RGS20: variants seen among roughly 807,000 people sequenced by gnomAD.
RGS20 encodes the protein regulator of G protein signaling 20, also known as gz-selective GTPase-activating protein.
A neutral mutation model predicts 33.6 loss-of-function variants in RGS20; 30 were observed. The ratio of observed to expected loss-of-function variants is 0.89; its 90% CI spans 0.67 to 1.21. RGS20 has a LOEUF of 1.21. RGS20 is among the 50% of genes most tolerant of loss of function. RGS20 has a pLI of 0.00. For synonymous variants in RGS20, 208 were observed against 197.9 expected (o/e 1.05, Z -0.43); for missense variants, 472 against 502.4 (o/e 0.94, Z 0.58).
chr8:53,857,345 T>C (rs1585857566), intron 1 of RGS20, among the ~76,000 whole-genome samples: 2 of 152,048 alleles, frequency 1.3e-5, no homozygotes, highest in South Asian at 2.1e-4. Context: ...GGTCCTTGGG[T>C]TCTCAGTGAG....
intron 2 of RGS20, among the ~76,000 whole-genome samples, chr8:53,931,597 A>ACAAACAG (rs1479747129): frequency 1.4e-4 from 21 of 150,934 alleles, no homozygotes; most frequent in Non-Finnish European, 2.7e-4. Flanking sequence ...ACAACAAACA[A>ACAAACAG]CCTGTGGCTG....
intron 1 of RGS20, among the ~76,000 whole-genome samples, chr8:53,866,744 A>T (rs1330730042): frequency 6.6e-6 from 1 of 152,124 alleles, no homozygotes; most frequent in Non-Finnish European, 1.5e-5. Context: ...GGGTGGGCAG[A>T]GGCGCCGTGT....
chr8:53,863,214 G>A (rs936090121), intron 1 of RGS20, among the ~76,000 whole-genome samples: 13 of 151,998 alleles, frequency 8.6e-5, no homozygotes, highest in Non-Finnish European at 1.8e-4. Context: ...CTCAAACTCC[G>A]GACCTCAGGT....
intron 1 of RGS20, among the ~76,000 whole-genome samples, chr8:53,861,257 A>G (rs1470552211): frequency 6.6e-6 from 1 of 152,194 alleles, no homozygotes; most frequent in Non-Finnish European, 1.5e-5. Context: ...TCTGTGGATA[A>G]GCCCCACAAA....
intron 2 of RGS20, among the ~76,000 whole-genome samples, chr8:53,900,676 G>T (rs1026440236): frequency 7.2e-5 from 11 of 152,144 alleles, no homozygotes; most frequent in Admixed American, 1.3e-4. Flanking sequence ...ATACACATGA[G>T]GACGTGGAGG....
At position 53,939,669 on chromosome 8, in the gene RGS20, A is replaced by T; in HGVS notation, c.604A>T (p.Ser202Cys). 2.5e-6 allele frequency: 4 copies of T among 1,581,544 alleles called. No homozygotes were observed. Among genetic ancestry groups the T allele is most frequent in the Non-Finnish European group, 3.4e-6 (4 of 1,164,176 alleles). The change falls in exon 3 of 6, where the codon AGT becomes TGT. Residue 202 changes from serine to cysteine, a missense_variant. Coordinates refer to ENST00000297313, the MANE Select transcript of RGS20 (RefSeq NM_170587.4). ...CGCCCCAGGCCAGCCCGGAGCGGGG[A>T]GTCGCGGGTCCAACGCATGCTGCTT...
intron 2 of RGS20, among the ~76,000 whole-genome samples, chr8:53,929,560 C>G (rs191795582): frequency 6.6e-6 from 1 of 152,046 alleles, no homozygotes; most frequent in Non-Finnish European, 1.5e-5. Context: ...TCCAGCTACT[C>G]GGGAGGCTGA....
At chr8:53,939,047 G>C (rs1467691650) in intron 2 of RGS20, among the ~76,000 whole-genome samples, 3 of 152,196 alleles carry the variant, frequency 2.0e-5, no homozygotes, top group African/African-American at 7.2e-5. Context: ...GACGCAGCTA[G>C]GAAAGATGTG....
chr8:53,924,850 C>A (rs1172555130), intron 2 of RGS20, among the ~76,000 whole-genome samples: 2 of 152,146 alleles, frequency 1.3e-5, no homozygotes, highest in Non-Finnish European at 2.9e-5. Context: ...CATTCCAGAC[C>A]ATAGAGATGT....
chr8:53,934,665 A>ACTT, intron 2 of RGS20, among the ~76,000 whole-genome samples: 1 of 152,314 alleles, frequency 6.6e-6, no homozygotes, highest in Middle Eastern at 3.4e-3. Flanking sequence ...ATAGTTGGAG[A>ACTT]CTTTTACACC....
intron 2 of RGS20, among the ~76,000 whole-genome samples, chr8:53,883,117 A>T (rs1812442864): frequency 1.3e-5 from 2 of 150,072 alleles, no homozygotes; most frequent in South Asian, 4.2e-4. Flanking sequence ...TGGGGGTCTC[A>T]TCCTGTTTAT....
At chr8:53,898,845 T>C (rs1168871920) in intron 2 of RGS20, among the ~76,000 whole-genome samples, 1 of 152,192 alleles carries the variant, frequency 6.6e-6, no homozygotes, top group Non-Finnish European at 1.5e-5. Flanking sequence ...TGCAGGTGCT[T>C]TTAACCAAGG....
Position 53,914,480 on chromosome 8 carries a change from T to A in RGS20, c.511-25096T>A, listed in dbSNP as rs148275062. ...AAACTGTAATTTGTGATATTTGCTG[T>A]CACCTTTTATCCATTCTTGTGCACT... On this transcript the variant is annotated intron_variant, in intron 2 of 5. Transcript: ENST00000297313. 1.1e-3 allele frequency among the ~76,000 whole-genome samples: 174 copies of A among 152,350 alleles called. 1 individual carries two copies. Among genetic ancestry groups the A allele is most frequent in the African/African-American group, 4.0e-3 (166 of 41,588 alleles).
At chr8:53,957,415 G>T (rs149756475) in intron 5 of RGS20, among the ~76,000 whole-genome samples, 1 of 152,338 alleles carries the variant, frequency 6.6e-6, no homozygotes, top group East Asian at 1.9e-4. Flanking sequence ...TTTAAACACA[G>T]GCATTGTCTG....
chr8:53,881,188 G>A, intron 2 of RGS20, 104 bp downstream of exon 1: 1 of 842,498 alleles, frequency 1.2e-6, no homozygotes, highest in Non-Finnish European at 1.7e-6. Context: ...CGCTCGTCCG[G>A]ACCTCAGGGT....
intron 3 of RGS20, among the ~76,000 whole-genome samples, chr8:53,940,930 G>A (rs1814273177): frequency 6.6e-6 from 1 of 152,152 alleles, no homozygotes; most frequent in Admixed American, 6.5e-5. Context: ...TGCATTTAGG[G>A]GCCTATATTC....
At chr8:53,854,615 A>G (rs995817843) in intron 1 of RGS20, among the ~76,000 whole-genome samples, 6 of 152,186 alleles carry the variant, frequency 3.9e-5, no homozygotes, top group Non-Finnish European at 7.4e-5. Context: ...AATTGTGACA[A>G]CACCAACTGC....
intron 2 of RGS20, among the ~76,000 whole-genome samples, chr8:53,884,724 G>A (rs1289588478): frequency 6.6e-6 from 1 of 152,206 alleles, no homozygotes; most frequent in African/African-American, 2.4e-5. Flanking sequence ...ACTGTTAACA[G>A]ATAGAAAGTA....
chr8:53,944,516 A>C (rs1367392053), intron 3 of RGS20, among the ~76,000 whole-genome samples: 2 of 150,108 alleles, frequency 1.3e-5, no homozygotes, highest in African/African-American at 5.0e-5. Flanking sequence ...CCAGCCTGGG[A>C]GACAGAGCAA....
Sources: allele counts gnomAD v4.1 joint callset (sites outside exome capture counted in the v4.1 genomes callset), GRCh38; gene constraint gnomAD v4.1.1; transcripts MANE v1.5; gene names NCBI Gene and HGNC (gene_info 2026-07-23, HGNC 2026-07-21).